The following POPDC1 variants were observed in gnomAD, a reference collection of about 807,000 sequenced individuals.
The protein encoded by POPDC1 is popeye domain-containing protein 1.
At chr6:105,106,662 T>C in the POPDC1 span, among the ~76,000 whole-genome samples, 1 of 152,144 alleles carries the variant, frequency 6.6e-6, no homozygotes, top group African/African-American at 2.4e-5. Flanking sequence ...TAAGACCCAC[T>C]GCATGTCCCT....
At chr6:105,119,910 A>C in the POPDC1 span, among the ~76,000 whole-genome samples, 1 of 152,232 alleles carries the variant, frequency 6.6e-6, no homozygotes, top group South Asian at 2.1e-4. Flanking sequence ...ATAAAATAAT[A>C]GTATTCAAAT....
chr6:105,115,215 T>C, the POPDC1 span, among the ~76,000 whole-genome samples: 1 of 152,142 alleles, frequency 6.6e-6, no homozygotes, highest in African/African-American at 2.4e-5. Flanking sequence ...GCCTCCCGAG[T>C]AGCCAGGACT....
the POPDC1 span, among the ~76,000 whole-genome samples, chr6:105,130,617 G>C: frequency 2.0e-5 from 3 of 152,130 alleles, no homozygotes; most frequent in South Asian, 2.1e-4. Context: ...TGATTTTGTT[G>C]CTGTGTGAAC....
the POPDC1 span, among the ~76,000 whole-genome samples, chr6:105,102,004 G>A: frequency 3.3e-5 from 5 of 152,196 alleles, no homozygotes; most frequent in Admixed American, 1.3e-4. Context: ...GCCTCTCAAG[G>A]TGCCTAATGA....
chr6:105,131,240 A>G, the POPDC1 span, among the ~76,000 whole-genome samples: 1 of 152,190 alleles, frequency 6.6e-6, no homozygotes, highest in African/African-American at 2.4e-5. Context: ...CAAAATGTAA[A>G]AATTTAAATA....
chr6:105,109,777 A>AAAAAAAAAAAAAAAAAAAAAAAAAAAAAT, the POPDC1 span, among the ~76,000 whole-genome samples: 1 of 147,182 alleles, frequency 6.8e-6, no homozygotes, highest in Non-Finnish European at 1.5e-5. Context: ...AAAAAAAAAA[A>AAAAAAAAAAAAAAAAAAAAAAAAAAAAAT]AAAAAGATTA....
the POPDC1 span, among the ~76,000 whole-genome samples, chr6:105,131,186 A>AT: frequency 2.0e-5 from 3 of 152,198 alleles, no homozygotes. Context: ...CTCACTTGCA[A>AT]TTTTTTATTT....
chr6:105,099,565 TG>T, the POPDC1 span: 1 of 152,234 alleles, frequency 6.6e-6, no homozygotes, highest in Non-Finnish European at 1.5e-5. Flanking sequence ...ACAGCCACGC[TG>T]GCCAGACACA....
At chr6:105,101,901 A>G in the POPDC1 span, among the ~76,000 whole-genome samples, 1 of 152,166 alleles carries the variant, frequency 6.6e-6, no homozygotes, top group South Asian at 2.1e-4. Context: ...GCATTCACCA[A>G]ATGGTTATCA....
chr6:105,123,648 C>T, the POPDC1 span, among the ~76,000 whole-genome samples: 1 of 152,272 alleles, frequency 6.6e-6, no homozygotes, highest in South Asian at 2.1e-4. Context: ...GATCTGCCTG[C>T]CTCAGCCTCC....
At chr6:105,133,982 A>G in the POPDC1 span, among the ~76,000 whole-genome samples, 1 of 152,162 alleles carries the variant, frequency 6.6e-6, no homozygotes, top group Non-Finnish European at 1.5e-5. Context: ...CTAGTCTTCC[A>G]TCAAATTCCC....
the POPDC1 span, among the ~76,000 whole-genome samples, chr6:105,113,254 T>C: frequency 3.3e-5 from 5 of 152,204 alleles, no homozygotes; most frequent in South Asian, 1.0e-3. Context: ...TGGAATCAGA[T>C]AGGATCCCTA....
At chr6:105,099,472 G>A in the POPDC1 span, 2 of 152,158 alleles carry the variant, frequency 1.3e-5, no homozygotes, top group South Asian at 4.1e-4. Flanking sequence ...CTCAAAGTTG[G>A]TTCTAGTGGA....
chr6:105,099,654 G>T, the POPDC1 span: 1 of 152,378 alleles, frequency 6.6e-6, no homozygotes, highest in African/African-American at 2.4e-5. Context: ...AAGAGCTCTG[G>T]AATCAAGGCC....
At chr6:105,105,182 C>G in the POPDC1 span, among the ~76,000 whole-genome samples, 2 of 152,144 alleles carry the variant, frequency 1.3e-5, no homozygotes, top group African/African-American at 4.8e-5. Flanking sequence ...TCTGCAATCC[C>G]CCCCCAACTC....
At chr6:105,099,358 A>T in the POPDC1 span, 1 of 152,248 alleles carries the variant, frequency 6.6e-6, no homozygotes, top group Non-Finnish European at 1.5e-5. Flanking sequence ...TGTCTCCTCT[A>T]ACAGAAATCA....
the POPDC1 span, among the ~76,000 whole-genome samples, chr6:105,113,929 C>G: frequency 6.7e-4 from 102 of 151,112 alleles, 1 homozygote; most frequent in South Asian, 0.021. Flanking sequence ...GAGACCAACT[C>G]CCATCCCCCC....
At chr6:105,112,921 A>G in the POPDC1 span, among the ~76,000 whole-genome samples, 1 of 126,818 alleles carries the variant, frequency 7.9e-6, no homozygotes, top group Non-Finnish European at 1.7e-5. Context: ...TACAAGCATG[A>G]GCTTTTGTTT....
At chr6:105,117,898 T>C in the POPDC1 span, among the ~76,000 whole-genome samples, 4 of 152,066 alleles carry the variant, frequency 2.6e-5, no homozygotes, top group African/African-American at 7.2e-5. Context: ...ATACACAAAT[T>C]AGATGGACAT....
Sources: allele counts gnomAD v4.1 joint callset (sites outside exome capture counted in the v4.1 genomes callset), GRCh38; gene constraint gnomAD v4.1.1; transcripts MANE v1.5; gene names NCBI Gene and HGNC (gene_info 2026-07-23, HGNC 2026-07-21).